DNHD1: variants seen among roughly 807,000 people sequenced by gnomAD.
DNHD1 encodes the protein dynein heavy chain domain 1.
Under a neutral mutation model 458.1 loss-of-function variants are expected in DNHD1, and 383 were observed. The ratio of observed to expected loss-of-function variants is 0.84; its 90% CI spans 0.77 to 0.91. DNHD1 has a LOEUF of 0.91. DNHD1 is among the 40% of genes least tolerant of loss of function. The probability of loss-of-function intolerance (pLI) is 0.00; values close to 1 mark genes in which losing one functional copy is unlikely to be tolerated. For synonymous variants in DNHD1, 2,203 were observed against 2,376.9 expected, an observed-to-expected ratio of 0.93 and a Z score of 2.13; for missense variants, 5,336 against 5,866.1, an observed-to-expected ratio of 0.91 and a Z score of 2.95.
In DNHD1 at chr11:6,509,087, G is replaced by A; in HGVS notation, c.1124+4G>A. Reference sequence around the variant, plus strand: ...TCTTACGCAAGTCCTTTACCTGGTAGGTAATGACGGATATGTGATTTGGGG... The same window carrying A: ...TCTTACGCAAGTCCTTTACCTGGTAAGTAATGACGGATATGTGATTTGGGG... On this transcript the variant is annotated splice_donor_region_variant and intron_variant, in intron 5 of 42. Transcript: ENST00000254579. The A allele has an allele frequency of 6.2e-7, 1 of 1,614,166 alleles. No homozygotes were observed. Among genetic ancestry groups the A allele is most frequent in the East Asian group, 2.2e-5 (1 of 44,882 alleles).
At chr11:6,507,068 T>C (rs997660316) in intron 4 of DNHD1, among the ~76,000 whole-genome samples, 1 of 152,232 alleles carries the variant, frequency 6.6e-6, no homozygotes, top group African/African-American at 2.4e-5. Context: ...CTCAGGAAGA[T>C]ACTGATTTCC....
chr11:6,544,036 T>G (rs545844628), intron 18 of DNHD1, 85 bp from the exon 19 acceptor site: 5 of 1,364,564 alleles, frequency 3.7e-6, no homozygotes, highest in East Asian at 2.8e-5. Context: ...CTGCCTCTCC[T>G]GGAAGGTTCC....
chr11:6,563,617 T>C (rs141048956), intron 30 of DNHD1, 53 bp downstream of exon 30: 21,380 of 1,547,074 alleles, frequency 0.014, 171 homozygotes, highest in Middle Eastern at 0.019. Context: ...AAAGGGACAC[T>C]TGGCAAGGCT....
In DNHD1 at chr11:6,551,928, G is replaced by A. The variant is rs190285106; in HGVS notation, c.7387+2995G>A. 3.5e-4 allele frequency among the ~76,000 whole-genome samples: 48 copies of A among 137,530 alleles called. 3 individuals carry two copies. The highest frequency in any genetic ancestry group is 1.1e-3 in the African/African-American group (39 of 33,920). The allele number at this position is 137,530 out of a possible 152,430, so 90.2% of individuals were successfully genotyped here. ...CTGCACTCCAGCCTGGTGACAGAGC[G>A]AGACTCCGTCTCCAAAAAAAAAAAG... On this transcript the variant is annotated intron_variant, in intron 24 of 42. Transcript: ENST00000254579.
At chr11:6,540,161 C>A in intron 18 of DNHD1, 78 bp downstream of exon 18, 1 of 1,283,944 alleles carries the variant, frequency 7.8e-7, no homozygotes, top group Non-Finnish European at 1.1e-6. Flanking sequence ...TCAAGGCCTG[C>A]CAGATCTGAT....
intron 12 of DNHD1, among the ~76,000 whole-genome samples, chr11:6,531,062 A>G (rs7121240): frequency 0.5 from 75,873 of 152,018 alleles, 19,433 homozygotes; most frequent in East Asian, 0.84. Flanking sequence ...AAGGATGACT[A>G]AGATATTATT....
chr11:6,524,132 G>C (rs1210068788), intron 10 of DNHD1, among the ~76,000 whole-genome samples: 2 of 151,906 alleles, frequency 1.3e-5, no homozygotes, highest in Non-Finnish European at 1.5e-5. Context: ...CCATTGCTTG[G>C]AATCACAATT....
intron 18 of DNHD1, among the ~76,000 whole-genome samples, chr11:6,543,487 C>G (rs1853140786): frequency 6.7e-6 from 1 of 149,582 alleles, no homozygotes; most frequent in Non-Finnish European, 1.5e-5. Flanking sequence ...GGGCTAGAGG[C>G]TCTAGTTCTT....
chr11:6,551,506 T>G (rs762249529), intron 24 of DNHD1, among the ~76,000 whole-genome samples: 1 of 152,114 alleles, frequency 6.6e-6, no homozygotes, highest in African/African-American at 2.4e-5. Flanking sequence ...CAATGGAGAA[T>G]ATCAACAAAG....
rs747330340 is a variant in DNHD1, at chr11:6,567,110, G to A, written c.11601G>A (p.Leu3867=). 2 of 1,614,052 alleles carry A rather than the reference G, an allele frequency of 1.2e-6. No homozygotes were observed. The highest frequency in any genetic ancestry group is 2.2e-5 in the South Asian group (2 of 91,086). The change falls in exon 36 of 43, where the codon CTG becomes CTA. Residue 3867 remains leucine, a synonymous_variant. Transcript: ENST00000254579. The part of the protein sequence containing the change: ...GMAMVKALSQ[L]QNLLPLFCMS... ...CCATGGTAAAGGCCCTAAGCCAACT[G>A]CAGAACCTGCTGCCACTTTTCTGTA...
intron 24 of DNHD1, among the ~76,000 whole-genome samples, chr11:6,550,205 CAG>C (rs1349549389): frequency 6.6e-6 from 1 of 152,144 alleles, no homozygotes; most frequent in Admixed American, 6.5e-5. Context: ...GATGAAGAAA[CAG>C]AGACAGAGAT....
chr11:6,522,787 TACAC>T (rs1238152111), intron 10 of DNHD1, among the ~76,000 whole-genome samples: 1 of 152,190 alleles, frequency 6.6e-6, no homozygotes, highest in African/African-American at 2.4e-5. Context: ...TAGCCCCACT[TACAC>T]ACAAAAGTAT....
chr11:6,540,183 G>A (rs912008849), intron 18 of DNHD1, 100 bp downstream of exon 18: 1 of 1,068,534 alleles, frequency 9.4e-7, no homozygotes. Context: ...CTCTAGCCAG[G>A]GCCCCATCCT....
At chr11:6,561,256 CA>C (rs1853581974) in intron 28 of DNHD1, among the ~76,000 whole-genome samples, 1 of 152,080 alleles carries the variant, frequency 6.6e-6, no homozygotes, top group Non-Finnish European at 1.5e-5. Flanking sequence ...GGCAACACAG[CA>C]AAACACTGTC....
At chr11:6,516,995 T>C (rs1462208787) in intron 7 of DNHD1, among the ~76,000 whole-genome samples, 1 of 152,186 alleles carries the variant, frequency 6.6e-6, no homozygotes, top group Non-Finnish European at 1.5e-5. Flanking sequence ...TACCATAATC[T>C]GGGTGGCTTA....
rs558798821 is a variant in DNHD1, at chr11:6,528,898, G to C, written c.2124G>C (p.Gln708His). The change falls in exon 12 of 43, where the codon CAG (glutamine) becomes CAC (histidine). Residue 708 changes from glutamine to histidine, a missense_variant. Coordinates refer to ENST00000254579, the MANE Select transcript of DNHD1 (RefSeq NM_144666.3). ...VLLEGVLCKV[Q>H]EFCREHHWIT... ...CTTAGGGCGTGCTGTGCAAGGTGCA[G>C]GAATTCTGCAGGGAACATCATTGGA... The C allele has an allele frequency of 1.9e-6, 3 of 1,551,710 alleles. No homozygotes were observed. The South Asian group carries it at 3.6e-5, about 18-fold the overall frequency.
At position 6,548,169 on chromosome 11, in the gene DNHD1, G is replaced by C; in HGVS notation, c.6906-41G>C. ...TGAGTGTGTCATAAATGGAAGTGTT[G>C]TAACTGTCTGACGCTTTTGCCTGTG... On this transcript the variant is annotated intron_variant, in intron 22 of 42. Transcript: ENST00000254579. This position sits in a 1 kb window ranked among gnomAD's most constrained non-coding sequence, Gnocchi z 4.4. 3 of 1,548,562 alleles carry C rather than the reference G, an allele frequency of 1.9e-6. No homozygotes were observed. Among genetic ancestry groups the C allele is most frequent in the Non-Finnish European group, 2.6e-6 (3 of 1,144,382 alleles).
intron 18 of DNHD1, 24 bp from the exon 19 acceptor site, chr11:6,544,096 GC>G: frequency 6.5e-7 from 1 of 1,549,950 alleles, no homozygotes; most frequent in Non-Finnish European, 8.7e-7. Flanking sequence ...TCATCTGACT[GC>G]CAGTTCAGCT....
In DNHD1 at chr11:6,566,592, G is replaced by A; in HGVS notation, c.11212G>A (p.Gly3738Ser). 6.2e-7 allele frequency: 1 copy of A among 1,613,724 alleles called. No individual in the cohort carries two copies. Among genetic ancestry groups the A allele is most frequent in the Non-Finnish European group, 8.5e-7 (1 of 1,179,798 alleles). Residue 3738 changes from glycine (G) to serine (S), a missense_variant, in exon 35 of 43, where the codon GGT becomes AGT. Coordinates refer to ENST00000254579, the MANE Select transcript of DNHD1 (RefSeq NM_144666.3). Reference protein sequence around the residue: ...LSLCAMEKVLGCELLKGLNVL... With the variant: ...LSLCAMEKVLSCELLKGLNVL... ...ATCTCCCATGTTACCCCAAGTGCTA[G>A]GTTGTGAACTGCTAAAGGGGCTGAA...
Sources: gnomAD v4.1 joint callset for allele counts (sites outside exome capture counted in the v4.1 genomes callset) on GRCh38, gnomAD v4.1.1 for gene constraint, Gnocchi (gnomAD v3.1) non-coding constraint, MANE v1.5 for transcripts, NCBI Gene and HGNC (gene_info 2026-07-23, HGNC 2026-07-21) for gene names.